NOP58: variants seen among roughly 807,000 people sequenced by gnomAD.
NOP58 encodes the protein NOP58 ribonucleoprotein, also known as nucleolar protein 58.
In NOP58, 44 loss-of-function variants were observed where a neutral mutation model predicts 71.2. The ratio of observed to expected loss-of-function variants is 0.62; its 90% CI spans 0.49 to 0.79. The LOEUF is 0.79. Among genes scored for constraint, NOP58 ranks in the 30% least tolerant of loss-of-function variants. The pLI, the probability that NOP58 is intolerant of heterozygous loss-of-function variation, is 0.00. For synonymous variants in NOP58, 228 were observed against 200.3 expected (o/e 1.14, Z -1.17); for missense variants, 538 against 620.2 (o/e 0.87, Z 1.41).
chr2:202,272,032 T>C (rs935520245), intron 1 of NOP58, among the ~76,000 whole-genome samples: 12 of 152,136 alleles, frequency 7.9e-5, no homozygotes, highest in African/African-American at 2.9e-4. Flanking sequence ...ATCTACACAT[T>C]AAGACGCAGT....
At chr2:202,274,400 ATTTTTTTTTTTT>A (rs1173477305) in intron 1 of NOP58, among the ~76,000 whole-genome samples, 48 of 104,670 alleles carry the variant, frequency 4.6e-4, no homozygotes, top group African/African-American at 1.8e-3. Context: ...CTAATTTTGT[ATTTTTTTTTTTT>A]TTTTTTTTTT....
At chr2:202,302,083 CTTTTTTTTTTT>C (rs71031885) in intron 13 of NOP58, among the ~76,000 whole-genome samples, 17 of 90,584 alleles carry the variant, frequency 1.9e-4, no homozygotes, top group East Asian at 1.2e-3. Context: ...TTTTTTTTTT[CTTTTTTTTTTT>C]TTTTTTTTTT....
At chr2:202,302,134 C>A (rs1689105589) in intron 13 of NOP58, among the ~76,000 whole-genome samples, 1 of 130,458 alleles carries the variant, frequency 7.7e-6, no homozygotes, top group Non-Finnish European at 1.5e-5. Flanking sequence ...GTCGCCCAGG[C>A]TGAAGTGCAG....
intron 3 of NOP58, among the ~76,000 whole-genome samples, chr2:202,281,151 A>G (rs977505440): frequency 1.5e-5 from 2 of 132,716 alleles, no homozygotes; most frequent in African/African-American, 6.5e-5. Flanking sequence ...TTTTTTTTTT[A>G]GATGGAGTTT....
chr2:202,266,694 G>A (rs915264509), intron 1 of NOP58, among the ~76,000 whole-genome samples: 4 of 152,182 alleles, frequency 2.6e-5, no homozygotes, highest in African/African-American at 9.7e-5. Context: ...GATTAGACTC[G>A]AGGAGATAAG....
intron 1 of NOP58, 60 bp downstream of exon 1, chr2:202,266,046 G>A: frequency 6.3e-7 from 1 of 1,588,478 alleles, no homozygotes; most frequent in Non-Finnish European, 8.6e-7. Flanking sequence ...CGAGGAGAGG[G>A]AAAGACTTAA....
Position 202,300,291 on chromosome 2 carries a change from A to C in NOP58, c.1326A>C (p.Lys442Asn), listed in dbSNP as rs1689069779. ...GDSTLPTCSK[K>N]RKIEQVDKED... ...CCACACTTCCAACCTGTTCTAAAAA[A>C]CGCAAAATAGAACAGGTAGATAAAG... Residue 442 changes from lysine (K) to asparagine (N), a missense_variant, in exon 13 of 15, where the codon AAA becomes AAC. Transcript: ENST00000264279. The C allele has an allele frequency of 1.2e-6, 2 of 1,603,026 alleles. No homozygotes were observed. Among genetic ancestry groups the C allele is most frequent in the Non-Finnish European group, 1.7e-6 (2 of 1,177,502 alleles).
In NOP58 at chr2:202,297,391, C is replaced by T. The variant is rs1212057583; in HGVS notation, c.1084C>T (p.Leu362=). The T allele has an allele frequency of 6.2e-7, 1 of 1,612,278 alleles. No homozygotes were observed. The highest frequency in any genetic ancestry group is 8.5e-7 in the Non-Finnish European group (1 of 1,179,242). The change falls in exon 11 of 15, where the codon CTG becomes TTG. Residue 362 remains leucine (L), a synonymous_variant. Transcript: ENST00000264279. ...PKHKGKISRM[L]AAKTVLAIRY... ...GTTTTTCTATTAGATTTCTCGAATG[C>T]TGGCAGCCAAAACCGTTTTGGCTAT...
chr2:202,276,580 C>A, intron 2 of NOP58: 1 of 425,960 alleles, frequency 2.3e-6, no homozygotes. Flanking sequence ...TGGCTCACAC[C>A]TGTAATCCCA....
intron 7 of NOP58, 41 bp downstream of exon 7, chr2:202,290,498 G>T: frequency 3.2e-6 from 5 of 1,539,102 alleles, no homozygotes; most frequent in Non-Finnish European, 4.4e-6. Context: ...GAAAGTAAAT[G>T]AATTTGATTG....
At chr2:202,275,030 A>G in intron 1 of NOP58, 83 bp from the exon 2 acceptor site, 1 of 636,330 alleles carries the variant, frequency 1.6e-6, no homozygotes, top group South Asian at 2.1e-5. Flanking sequence ...TTCATTTTAC[A>G]TGTAAAATTG....
chr2:202,297,339 A>T (rs779083445), intron 10 of NOP58, 40 bp from the exon 11 acceptor site: 1 of 1,574,752 alleles, frequency 6.4e-7, no homozygotes, highest in Non-Finnish European at 8.7e-7. Flanking sequence ...AGGATTTTAC[A>T]TCTGAACATG....
intron 12 of NOP58, among the ~76,000 whole-genome samples, chr2:202,298,182 A>T (rs1055686882): frequency 5.3e-5 from 8 of 152,214 alleles, no homozygotes; most frequent in Non-Finnish European, 1.2e-4. Flanking sequence ...AGAATATAAT[A>T]CATTGTTAGC....
At chr2:202,284,234 C>G in intron 4 of NOP58, 111 bp from the exon 5 acceptor site, 1 of 838,964 alleles carries the variant, frequency 1.2e-6, no homozygotes, top group Non-Finnish European at 1.8e-6. Flanking sequence ...GATTGCGCCA[C>G]TGCACTCCAG....
rs549226046 is a variant in NOP58, at chr2:202,290,642, A to G, written c.634+185A>G. ...AAAATGAATTTTAACTTAGATTTTG[A>G]TGGCCTATAACATGATATTAGTACC... is the stretch of plus-strand genomic sequence containing the variant. On this transcript the variant is annotated intron_variant, in intron 7 of 14. Transcript: ENST00000264279. Among the ~76,000 whole-genome samples, 9 of 152,308 alleles carry G rather than the reference A, an allele frequency of 5.9e-5. No individual in the cohort carries two copies. In the South Asian group the frequency reaches 1.7e-3, roughly 28 times the overall value.
chr2:202,292,615 GAAAA>G (rs1284319584), intron 8 of NOP58, among the ~76,000 whole-genome samples, 158 bp from the exon 9 acceptor site: 6 of 143,958 alleles, frequency 4.2e-5, no homozygotes, highest in African/African-American at 1.5e-4. Flanking sequence ...TCCAGCCTGG[GAAAA>G]AAAAAAAAGA....
At chr2:202,284,529 G>C in intron 5 of NOP58, 48 bp downstream of exon 5, 1 of 1,586,600 alleles carries the variant, frequency 6.3e-7, no homozygotes, top group Non-Finnish European at 8.6e-7. Context: ...TTTGATAAGC[G>C]CTTAACATAG....
chr2:202,274,320 G>A (rs1207062528), intron 1 of NOP58, among the ~76,000 whole-genome samples: 5 of 151,684 alleles, frequency 3.3e-5, no homozygotes, highest in East Asian at 2.0e-4. Flanking sequence ...CTCTGCCTCC[G>A]GGTTCAAGCA....
intron 12 of NOP58, among the ~76,000 whole-genome samples, chr2:202,299,144 G>T (rs536776539): frequency 1.3e-5 from 2 of 151,772 alleles, no homozygotes; most frequent in Non-Finnish European, 2.9e-5. Flanking sequence ...ATTTTTAGTA[G>T]AGTCGGGGTT....
Sources: gnomAD v4.1 joint callset for allele counts (sites outside exome capture counted in the v4.1 genomes callset) on GRCh38, gnomAD v4.1.1 for gene constraint, MANE v1.5 for transcripts, NCBI Gene and HGNC (gene_info 2026-07-23, HGNC 2026-07-21) for gene names.